CLIC5: variants seen among roughly 807,000 people sequenced by gnomAD.
CLIC5 encodes the protein CLIC family member 5, also known as chloride intracellular channel protein 5.
Under a neutral mutation model 24.7 loss-of-function variants are expected in CLIC5, and 20 were observed. That is an observed-to-expected ratio of 0.81 (90% CI 0.57 to 1.18). The LOEUF is 1.18. Among genes scored for constraint, CLIC5 ranks in the 50% most tolerant of loss-of-function variants. The probability of loss-of-function intolerance (pLI) is 0.00; values close to 1 mark genes in which losing one functional copy is unlikely to be tolerated. For synonymous variants in CLIC5, 159 were observed against 135.6 expected, an observed-to-expected ratio of 1.17 and a Z score of -1.20; for missense variants, 341 against 326.1, an observed-to-expected ratio of 1.05 and a Z score of -0.35.
chr6:45,937,057 G>A (rs1429077883), intron 4 of CLIC5, among the ~76,000 whole-genome samples: 1 of 151,338 alleles, frequency 6.6e-6, no homozygotes, highest in Non-Finnish European at 1.5e-5. Context: ...CGTCCCTCAG[G>A]GAACAAAAAA....
chr6:46,118,868 TTAAG>T, the CLIC5 span, among the ~76,000 whole-genome samples: 8 of 152,192 alleles, frequency 5.3e-5, no homozygotes, highest in Non-Finnish European at 1.0e-4. Flanking sequence ...CCAGGCATAA[TTAAG>T]TAAGGGTCTT....
chr6:45,960,017 C>A (rs1764794665), intron 1 of CLIC5, among the ~76,000 whole-genome samples: 1 of 151,968 alleles, frequency 6.6e-6, no homozygotes, highest in South Asian at 2.1e-4. Flanking sequence ...CACGAAATAC[C>A]AATCCCAGAG....
intron 1 of CLIC5, among the ~76,000 whole-genome samples, chr6:46,043,907 T>G (rs1354696217): frequency 6.6e-6 from 1 of 152,252 alleles, no homozygotes; most frequent in African/African-American, 2.4e-5. Context: ...CAGCCCACTC[T>G]TCAGTTCACA....
At chr6:46,045,194 T>A (rs954740762) in intron 1 of CLIC5, among the ~76,000 whole-genome samples, 1 of 152,128 alleles carries the variant, frequency 6.6e-6, no homozygotes, top group Non-Finnish European at 1.5e-5. Context: ...TTCCAAGAGG[T>A]CAGAAGATAA....
At chr6:46,104,630 G>C in the CLIC5 span, among the ~76,000 whole-genome samples, 1 of 147,396 alleles carries the variant, frequency 6.8e-6, no homozygotes, top group South Asian at 2.1e-4. Context: ...AATACACCCT[G>C]AGCTTTCCAT....
intron 5 of CLIC5, 86 bp downstream of exon 5, chr6:45,914,142 G>T (rs1010792167): frequency 9.1e-7 from 1 of 1,103,064 alleles, no homozygotes; most frequent in Non-Finnish European, 1.2e-6. Context: ...CCAACAGGTG[G>T]TACTGTCCTT....
chr6:46,090,253 T>C, the CLIC5 span, among the ~76,000 whole-genome samples: 1 of 152,194 alleles, frequency 6.6e-6, no homozygotes, highest in Admixed American at 6.5e-5. Context: ...GAAATCACCT[T>C]CAGGATTTGA....
intron 1 of CLIC5, among the ~76,000 whole-genome samples, chr6:46,068,442 T>A (rs1762501126): frequency 6.6e-6 from 1 of 152,134 alleles, no homozygotes; most frequent in Non-Finnish European, 1.5e-5. Flanking sequence ...CCCTCCTTCC[T>A]TCATTCAACC....
chr6:46,029,874 C>T (rs752652355), intron 1 of CLIC5, among the ~76,000 whole-genome samples: 41 of 152,174 alleles, frequency 2.7e-4, no homozygotes, highest in Non-Finnish European at 2.4e-4. Flanking sequence ...GCTTCCCCTG[C>T]TCCTGTTAGG....
At chr6:45,920,355 T>C in intron 4 of CLIC5, 1 of 933,192 alleles carries the variant, frequency 1.1e-6, no homozygotes, top group Non-Finnish European at 1.3e-6. Flanking sequence ...GAAATCCATT[T>C]GGATTTTTCC....
At chr6:46,061,405 A>AAACC (rs1254263537) in intron 1 of CLIC5, among the ~76,000 whole-genome samples, 1 of 152,114 alleles carries the variant, frequency 6.6e-6, no homozygotes, top group African/African-American at 2.4e-5. Context: ...GTTGGCCAGG[A>AAACC]TGGTCTCGAT....
chr6:45,976,027 TG>T (rs1765373675), intron 1 of CLIC5, among the ~76,000 whole-genome samples: 1 of 151,906 alleles, frequency 6.6e-6, no homozygotes, highest in Non-Finnish European at 1.5e-5. Context: ...CCCTAAGAAG[TG>T]GGGGCTGCTC....
intron 1 of CLIC5, among the ~76,000 whole-genome samples, chr6:46,005,779 C>G (rs992496987): frequency 3.2e-4 from 49 of 151,860 alleles, no homozygotes; most frequent in African/African-American, 1.1e-3. Flanking sequence ...GAGTTATCCT[C>G]CTCCACAATG....
intron 5 of CLIC5, chr6:45,911,687 G>A: frequency 1.0e-6 from 1 of 985,258 alleles, no homozygotes; most frequent in Non-Finnish European, 1.2e-6. Flanking sequence ...CAATACAGCA[G>A]AAATGCAATT....
chr6:46,055,139 G>A (rs1222738134), intron 1 of CLIC5, among the ~76,000 whole-genome samples: 2 of 151,930 alleles, frequency 1.3e-5, no homozygotes, highest in Non-Finnish European at 2.9e-5. Context: ...TCTCGCTCTT[G>A]TCACCCAGGC....
At chr6:45,937,009 G>A (rs1247457089) in intron 4 of CLIC5, among the ~76,000 whole-genome samples, 1 of 152,080 alleles carries the variant, frequency 6.6e-6, no homozygotes, top group Non-Finnish European at 1.5e-5. Context: ...CAGAGGAGGG[G>A]TGAGTACAGT....
chr6:46,013,880 G>A (rs1256058047), intron 1 of CLIC5, among the ~76,000 whole-genome samples: 1 of 152,220 alleles, frequency 6.6e-6, no homozygotes, highest in Non-Finnish European at 1.5e-5. Flanking sequence ...TCATCGCTTT[G>A]TTAAAGCTCT....
intron 4 of CLIC5, chr6:45,934,092 A>G (rs1185870889): frequency 6.6e-6 from 1 of 152,288 alleles, no homozygotes; most frequent in African/African-American, 2.4e-5. Context: ...TTTATCTTCT[A>G]GGAGGACCGA....
intron 1 of CLIC5, among the ~76,000 whole-genome samples, chr6:45,975,097 C>T (rs571474373): frequency 3.3e-5 from 5 of 152,002 alleles, no homozygotes; most frequent in African/African-American, 1.2e-4. Context: ...AGGGAGGTGA[C>T]AAAAAAAGAA....
Sources: gnomAD v4.1 joint callset for allele counts (sites outside exome capture counted in the v4.1 genomes callset) on GRCh38, gnomAD v4.1.1 for gene constraint, MANE v1.5 for transcripts, NCBI Gene and HGNC (gene_info 2026-07-23, HGNC 2026-07-21) for gene names.